PTPRT: variants seen among roughly 807,000 people sequenced by gnomAD.
PTPRT encodes receptor-type tyrosine-protein phosphatase T.
In PTPRT, 56 loss-of-function variants were observed where a neutral mutation model predicts 176.8. The observed-to-expected ratio is 0.32, with a 90% CI of 0.26 to 0.40. PTPRT has a LOEUF of 0.40. Ranked by LOEUF, PTPRT falls within the 10% of genes least tolerant of loss-of-function variation. The pLI is 1.00. For synonymous variants in PTPRT, 783 were observed against 739.0 expected, an observed-to-expected ratio of 1.06 and a Z score of -0.96; for missense variants, 1,540 against 1,908.2, an observed-to-expected ratio of 0.81 and a Z score of 3.60.
At chr20:42,210,045 A>G (rs1217537070) in intron 15 of PTPRT, among the ~76,000 whole-genome samples, 1 of 152,178 alleles carries the variant, frequency 6.6e-6, no homozygotes, top group Non-Finnish European at 1.5e-5. Context: ...AAAGACAAAA[A>G]CCACATGATT....
At chr20:42,840,863 T>A (rs971836985) in intron 2 of PTPRT, among the ~76,000 whole-genome samples, 1 of 152,138 alleles carries the variant, frequency 6.6e-6, no homozygotes, top group Non-Finnish European at 1.5e-5. Context: ...GAGCCCAGCA[T>A]CCCCACATAT....
At chr20:42,310,213 A>C (rs151125837) in intron 12 of PTPRT, among the ~76,000 whole-genome samples, 147 of 152,198 alleles carry the variant, frequency 9.7e-4, no homozygotes, top group African/African-American at 3.3e-3. Context: ...TCTGAAGAAC[A>C]GTGATAGGTT....
At chr20:43,127,454 A>T (rs2013490360) in intron 1 of PTPRT, among the ~76,000 whole-genome samples, 1 of 151,850 alleles carries the variant, frequency 6.6e-6, no homozygotes, top group African/African-American at 2.4e-5. Context: ...TAATCAGAAA[A>T]CACAGCCAGG....
intron 1 of PTPRT, among the ~76,000 whole-genome samples, chr20:42,998,981 TAA>T (rs887534795): frequency 1.3e-5 from 2 of 152,216 alleles, no homozygotes; most frequent in Non-Finnish European, 2.9e-5. Context: ...CCATTTCCCG[TAA>T]TAAATCAATT....
At chr20:42,426,082 G>A (rs1306402026) in intron 9 of PTPRT, among the ~76,000 whole-genome samples, 1 of 152,072 alleles carries the variant, frequency 6.6e-6, no homozygotes, top group Non-Finnish European at 1.5e-5. Flanking sequence ...GATACGGATA[G>A]GAGTCAGGGA....
intron 16 of PTPRT, among the ~76,000 whole-genome samples, chr20:42,183,502 G>C (rs1221869604): frequency 2.0e-5 from 3 of 152,212 alleles, no homozygotes; most frequent in Non-Finnish European, 4.4e-5. Flanking sequence ...AAAATGTGCA[G>C]AGACCACAAA....
intron 22 of PTPRT, among the ~76,000 whole-genome samples, chr20:42,112,382 G>T (rs1367303789): frequency 2.6e-5 from 4 of 152,152 alleles, no homozygotes; most frequent in Non-Finnish European, 5.9e-5. Flanking sequence ...GGCTGGGTGG[G>T]GCAGCATCCT....
chr20:42,357,006 G>C (rs2058367533), intron 9 of PTPRT, among the ~76,000 whole-genome samples: 1 of 151,962 alleles, frequency 6.6e-6, no homozygotes, highest in South Asian at 2.1e-4. Flanking sequence ...TCTTTTTATG[G>C]GTATCTTCTC....
chr20:42,384,850 G>A, intron 9 of PTPRT, among the ~76,000 whole-genome samples: 1 of 152,154 alleles, frequency 6.6e-6, no homozygotes, highest in East Asian at 1.9e-4. Flanking sequence ...GTGATGTTTA[G>A]AATCTTTTCA....
chr20:42,353,776 T>C (rs1172101810), intron 9 of PTPRT, among the ~76,000 whole-genome samples: 1 of 152,204 alleles, frequency 6.6e-6, no homozygotes, highest in Non-Finnish European at 1.5e-5. Flanking sequence ...AGGCTAGGTG[T>C]GGTGGCTCAC....
chr20:42,092,961 G>A (rs1236655140), intron 27 of PTPRT, among the ~76,000 whole-genome samples: 1 of 152,208 alleles, frequency 6.6e-6, no homozygotes, highest in African/African-American at 2.4e-5. Context: ...CAGCTTTTAT[G>A]TAAGTTGTGG....
intron 9 of PTPRT, among the ~76,000 whole-genome samples, chr20:42,363,285 TATATATATATATATA>T (rs1235374382): frequency 8.4e-3 from 138 of 16,506 alleles, no homozygotes; most frequent in African/African-American, 0.02. Flanking sequence ...TATATATATA[TATATATATATATATA>T]TTTTTTTTTT....
At chr20:42,668,741 G>GA (rs1569070266) in intron 7 of PTPRT, among the ~76,000 whole-genome samples, 1 of 151,372 alleles carries the variant, frequency 6.6e-6, no homozygotes, top group Non-Finnish European at 1.5e-5. Context: ...GTCCAGGCTG[G>GA]AGTACAGTGG....
At chr20:42,541,722 C>T (rs1423312648) in intron 7 of PTPRT, among the ~76,000 whole-genome samples, 1 of 151,308 alleles carries the variant, frequency 6.6e-6, no homozygotes, top group Non-Finnish European at 1.5e-5. Context: ...AGAGAGGCTA[C>T]TATTTATTTA....
At chr20:42,526,660 T>C (rs1381544181) in intron 7 of PTPRT, among the ~76,000 whole-genome samples, 1 of 152,120 alleles carries the variant, frequency 6.6e-6, no homozygotes, top group Non-Finnish European at 1.5e-5. Flanking sequence ...TTTTCCATGA[T>C]TGTATTATAA....
At chr20:42,553,075 T>C (rs2072797113) in intron 7 of PTPRT, among the ~76,000 whole-genome samples, 1 of 152,130 alleles carries the variant, frequency 6.6e-6, no homozygotes, top group Admixed American at 6.5e-5. Flanking sequence ...TTGGCAACTC[T>C]ACTTCTAGGA....
At chr20:43,005,882 C>A (rs1568729478) in intron 1 of PTPRT, among the ~76,000 whole-genome samples, 1 of 152,158 alleles carries the variant, frequency 6.6e-6, no homozygotes, top group Admixed American at 6.5e-5. Context: ...ATGCTCGTTA[C>A]AACATTCTTC....
At chr20:42,151,860 G>C (rs2146461012) in intron 17 of PTPRT, among the ~76,000 whole-genome samples, 1 of 152,330 alleles carries the variant, frequency 6.6e-6, no homozygotes, top group South Asian at 2.1e-4. Context: ...TTTTAAAACT[G>C]GGACCGTTTT....
At chr20:42,443,426 C>T (rs552462022) in intron 9 of PTPRT, among the ~76,000 whole-genome samples, 2 of 152,356 alleles carry the variant, frequency 1.3e-5, no homozygotes, top group African/African-American at 4.8e-5. Context: ...GGTGCTGCCT[C>T]TATCTGTGCA....
Sources: allele counts gnomAD v4.1 joint callset (sites outside exome capture counted in the v4.1 genomes callset), GRCh38; gene constraint gnomAD v4.1.1; transcripts MANE v1.5; gene names NCBI Gene and HGNC (gene_info 2026-07-23, HGNC 2026-07-21).